Variants in PHF6 observed in about 807,000 individuals in gnomAD.
PHF6 encodes PHD-like zinc finger protein.
In PHF6, 7 loss-of-function variants were observed where a neutral mutation model predicts 34.0. That is an observed-to-expected ratio of 0.21 (90% CI 0.12 to 0.39). The LOEUF is 0.39. Ranked by LOEUF, PHF6 falls within the 10% of genes least tolerant of loss-of-function variation. PHF6 has a pLI of 1.00. For synonymous variants in PHF6, 89 were observed against 88.4 expected, an observed-to-expected ratio of 1.01 and a Z score of -0.04; for missense variants, 128 against 262.8, an observed-to-expected ratio of 0.49 and a Z score of 3.55.
intron 9 of PHF6, among the ~76,000 whole-genome samples, chrX:134,424,814 A>G (rs1436162655): frequency 8.9e-6 from 1 of 112,273 alleles, no homozygotes; most frequent in Non-Finnish European, 1.9e-5. Flanking sequence ...GATAGAATAT[A>G]TATTTCCTGA....
intron 5 of PHF6, among the ~76,000 whole-genome samples, chrX:134,410,202 T>TC (rs2077444178): frequency 8.9e-6 from 1 of 111,833 alleles, no homozygotes; most frequent in Admixed American, 9.5e-5. Context: ...TTATGTTGTT[T>TC]GAGAAATTTC....
At chrX:134,389,798 G>A (rs761103011) in intron 3 of PHF6, among the ~76,000 whole-genome samples, 1 of 111,530 alleles carries the variant, frequency 9.0e-6, no homozygotes, top group East Asian at 2.8e-4. Context: ...TCCTAGATCA[G>A]AATGTTTAAA....
At chrX:134,409,654 CTTT>C (rs778317563) in intron 5 of PHF6, among the ~76,000 whole-genome samples, 1 of 101,641 alleles carries the variant, frequency 9.8e-6, no homozygotes. Flanking sequence ...TTTATTGTAC[CTTT>C]TTTTTTTTTA....
intron 3 of PHF6, among the ~76,000 whole-genome samples, chrX:134,388,378 T>G (rs1242152939): frequency 8.9e-6 from 1 of 111,923 alleles, no homozygotes; most frequent in Non-Finnish European, 1.9e-5. Context: ...ATATCCTCAG[T>G]ACAGCGTTCC....
At chrX:134,373,850 G>A (rs2077267559) in intron 1 of PHF6, among the ~76,000 whole-genome samples, 1 of 106,286 alleles carries the variant, frequency 9.4e-6, no homozygotes, top group Admixed American at 1.0e-4. Context: ...AGAGCCTTAC[G>A]GAATGAGGAA....
At chrX:134,381,266 A>T (rs1338694223) in intron 3 of PHF6, among the ~76,000 whole-genome samples, 1 of 110,602 alleles carries the variant, frequency 9.0e-6, no homozygotes, top group Non-Finnish European at 1.9e-5. Flanking sequence ...TAATTTTTGA[A>T]ACTCCTTTTA....
intron 1 of PHF6, among the ~76,000 whole-genome samples, chrX:134,376,163 A>G (rs1235765798): frequency 3.6e-5 from 4 of 111,967 alleles, no homozygotes; most frequent in Admixed American, 2.9e-4. Flanking sequence ...TTGATTAAGT[A>G]TCTGAATTTT....
intron 3 of PHF6, among the ~76,000 whole-genome samples, chrX:134,392,392 A>G (rs1054624316): frequency 3.6e-5 from 4 of 112,349 alleles, no homozygotes; most frequent in African/African-American, 1.3e-4. Flanking sequence ...CACTTGGTAC[A>G]GTACATTATG....
intron 3 of PHF6, among the ~76,000 whole-genome samples, chrX:134,391,099 C>T (rs2077352146): frequency 1.9e-5 from 2 of 107,966 alleles, no homozygotes; most frequent in Admixed American, 1.0e-4. Context: ...CTCAGCCTCC[C>T]GAGTAGCTGG....
chrX:134,413,665 A>G lies in PHF6; in HGVS notation c.585+8A>G. 12 of 1,209,528 alleles carry G rather than the reference A, an allele frequency of 9.9e-6. No homozygotes were observed. The highest frequency in any genetic ancestry group is 1.2e-5 in the Non-Finnish European group (11 of 893,348). On this transcript the variant is annotated splice_region_variant and intron_variant, in intron 6 of 10. Transcript: ENST00000370803. The stretch of plus-strand genomic sequence containing the variant: ...ATGGAAAGTAGTTCCTATGTAAGTA[A>G]AAAAAACTGTTGGATTCTTACTTTT...
chrX:134,420,665 T>G, intron 9 of PHF6, among the ~76,000 whole-genome samples: 1 of 110,907 alleles, frequency 9.0e-6, no homozygotes, highest in Non-Finnish European at 1.9e-5. Flanking sequence ...TGATCACGGC[T>G]CACTGCAGCC....
chrX:134,402,811 A>G (rs1034615502), intron 5 of PHF6, among the ~76,000 whole-genome samples: 2 of 111,226 alleles, frequency 1.8e-5, no homozygotes, highest in Non-Finnish European at 3.8e-5. Context: ...TGGCAATCTC[A>G]CAATATTTCA....
chrX:134,417,041 T>G, intron 8 of PHF6, 128 bp from the exon 9 acceptor site: 1 of 706,036 alleles, frequency 1.4e-6, no homozygotes, highest in Non-Finnish European at 2.2e-6. Context: ...CTTATCAAAG[T>G]ATGGTTTAAG....
intron 3 of PHF6, among the ~76,000 whole-genome samples, chrX:134,392,649 C>T (rs1377578866): frequency 1.8e-5 from 2 of 111,673 alleles, no homozygotes. Flanking sequence ...ATCAACTTGA[C>T]ATCACAAAAT....
Position 134,377,593 on chromosome X carries a change from G to A in PHF6, c.-25G>A. 2 of 1,196,674 alleles carry A rather than the reference G, an allele frequency of 1.7e-6. No individual in the cohort carries two copies. The highest frequency in any genetic ancestry group is 2.3e-6 in the Non-Finnish European group (2 of 886,527). On this transcript the variant is annotated 5_prime_UTR_variant, in exon 2 of 11. Transcript: ENST00000370803. ...GTAGCATTTCTTGAGACTTAAAGTG[G>A]CATTCTAAAGGCAATTTAAAAATCA...
At chrX:134,384,393 A>T (rs2077320973) in intron 3 of PHF6, among the ~76,000 whole-genome samples, 1 of 111,442 alleles carries the variant, frequency 9.0e-6, no homozygotes, top group Admixed American at 9.5e-5. Flanking sequence ...TTCAGGAGAC[A>T]GGTGATATAC....
intron 3 of PHF6, among the ~76,000 whole-genome samples, chrX:134,385,086 A>C (rs1285150751): frequency 9.0e-6 from 1 of 111,697 alleles, no homozygotes; most frequent in Non-Finnish European, 1.9e-5. Context: ...ATGATTTCTT[A>C]CTGCATACAA....
rs2077511590 is a variant in PHF6, at chrX:134,427,643, C to T, written c.*1983C>T. Reference sequence around the variant, plus strand: ...TGGGTTTCTTCAGCCCTTTTTCTGCCACTAGCAACCAGAATAGCACTTTAC... The same window carrying T: ...TGGGTTTCTTCAGCCCTTTTTCTGCTACTAGCAACCAGAATAGCACTTTAC... On this transcript the variant is annotated 3_prime_UTR_variant, in exon 11 of 11. Coordinates refer to ENST00000370803, the MANE Select transcript of PHF6 (RefSeq NM_001015877.2). The T allele has an allele frequency of 6.2e-6, 1 of 160,713 alleles. No homozygotes were observed. Among genetic ancestry groups the T allele is most frequent in the African/African-American group, 3.0e-5 (1 of 33,115 alleles). The allele number at this position is 160,713 out of a possible 1,213,427, so 13.2% of individuals were successfully genotyped here. A position where few individuals can be genotyped will look rare whatever the true frequency, so the allele number is the denominator to read the frequency against.
Position 134,378,037 on chromosome X carries a change from T to C in PHF6, c.171T>C (p.Ser57=). 2 of 1,202,339 alleles carry C rather than the reference T, an allele frequency of 1.7e-6. No individual in the cohort carries two copies. Among genetic ancestry groups the C allele is most frequent in the South Asian group, 3.6e-5 (2 of 55,229 alleles). Residue 57 remains serine, a synonymous_variant, in exon 3 of 11, where the codon TCT becomes TCC. Transcript: ENST00000370803. The part of the protein sequence containing the change: ...LFSSALVSSH[S]DNESLGGFSI... ...CATCTGCTTTGGTATCATCACACTC[T>C]GATAATGAAAGTCTTGGTGGATTTT...
Sources: allele counts gnomAD v4.1 joint callset (sites outside exome capture counted in the v4.1 genomes callset), GRCh38; gene constraint gnomAD v4.1.1; transcripts MANE v1.5; gene names NCBI Gene and HGNC (gene_info 2026-07-23, HGNC 2026-07-21).